SPANXB1: variants seen among roughly 807,000 people sequenced by gnomAD.
SPANXB1 encodes SPANX family member B1.
Under a neutral mutation model 2.0 loss-of-function variants are expected in SPANXB1, and 1 was observed. The ratio of observed to expected loss-of-function variants is 0.49; its 90% confidence interval spans 0.18 to 2.34. SPANXB1 has a LOEUF of 2.34. SPANXB1 is among the 30% of genes most tolerant of loss of function. The probability of loss-of-function intolerance (pLI) is 0.26; values close to 1 mark genes in which losing one functional copy is unlikely to be tolerated. For missense variants in SPANXB1, 70 were observed against 87.5 expected, an observed-to-expected ratio of 0.80 and a Z score of 0.80; for synonymous variants, 22 against 35.8, an observed-to-expected ratio of 0.61 and a Z score of 1.38.
Position 141,002,624 on chromosome X carries a change from G to C in SPANXB1, c.-70G>C. The C allele has an allele frequency of 8.3e-7, 1 of 1,209,551 alleles. No homozygotes were observed. ...GAGGGTATGCATAGGGAGGGCAAGA[G>C]CTCTGGGCCACTGCGAAGATTCAAA... On this transcript the variant is annotated 5_prime_UTR_variant, in exon 1 of 2. Coordinates refer to ENST00000449283, the MANE Select transcript of SPANXB1 (RefSeq NM_032461.4).
chrX:141,003,408 G>A, intron 1 of SPANXB1, 23 bp from the exon 2 acceptor site: 1 of 1,212,125 alleles, frequency 8.2e-7, no homozygotes, highest in South Asian at 1.8e-5. Flanking sequence ...TGTCCTCCTG[G>A]CCTCTCCCTG....
intron 1 of SPANXB1, among the ~76,000 whole-genome samples, chrX:141,003,029 C>G (rs2012336413): frequency 8.8e-6 from 1 of 113,254 alleles, no homozygotes; most frequent in Non-Finnish European, 1.9e-5. Context: ...TGGTTTGGCC[C>G]TTTTTCTGGT....
Position 141,002,711 on chromosome X carries a change from T to C in SPANXB1, c.18T>C (p.Ser6=), listed in dbSNP as rs1242216208. 8.1e-4 allele frequency: 984 copies of C among 1,211,820 alleles called. 4 individuals are homozygous for C. The African/African-American group carries it at 0.014, about 18-fold the overall frequency. The part of the protein sequence containing the change: MGQQS[S]VRRLKRSVPC... ...TATATACAATGGGCCAACAATCCAG[T>C]GTCCGCAGGCTGAAGAGGAGCGTCC... Residue 6 remains serine, a synonymous_variant, in exon 1 of 2, where the codon AGT becomes AGC. Transcript: ENST00000449283.
chrX:141,003,436 G>A lies in SPANXB1; in HGVS notation c.96G>A (p.Pro32=), dbSNP rs1351956882. 87 of 1,211,754 alleles carry A rather than the reference G, an allele frequency of 7.2e-5. No homozygotes were observed. In the East Asian group the frequency reaches 1.4e-3, roughly 19 times the overall value. The change falls in exon 2 of 2, where the codon CCG becomes CCA. Residue 32 remains proline, a synonymous_variant. Transcript: ENST00000449283. ...NEANEANKTM[P]ETPTGDSDPQ... ...TCTCCCTGTTTTCTTAACAGATGCC[G>A]GAGACCCCAACTGGGGACTCAGACC...
chrX:141,003,566 G>T lies in SPANXB1; in HGVS notation c.226G>T (p.Asp76Tyr). ...AACATCTCCAGAGGAACTGCTGAAT[G>T]ACCACGCCCGAGAGAACAGAATCAA... ...KRTSPEELLN[D>Y]HARENRINPD... The change falls in exon 2 of 2, where the codon GAC (aspartate) becomes TAC (tyrosine). Residue 76 changes from aspartate to tyrosine, a missense_variant. Asp to Tyr is a radical substitution (Grantham distance 160). Coordinates refer to ENST00000449283, the MANE Select transcript of SPANXB1 (RefSeq NM_032461.4). 1.6e-6 allele frequency: 2 copies of T among 1,212,827 alleles called. No individual in the cohort carries two copies. The highest frequency in any genetic ancestry group is 2.2e-6 in the Non-Finnish European group (2 of 895,584).
chrX:141,003,558 T>G lies in SPANXB1; in HGVS notation c.218T>G (p.Leu73Arg), dbSNP rs2012351567. 2 of 1,212,888 alleles carry G rather than the reference T, an allele frequency of 1.6e-6. No homozygotes were observed. The highest frequency in any genetic ancestry group is 2.2e-6 in the Non-Finnish European group (2 of 895,629). Residue 73 changes from leucine (L) to arginine (R), a missense_variant, in exon 2 of 2, where the codon CTG becomes CGG. By Grantham distance (102) the Leu-to-Arg change is moderately radical. Around this residue, in one of 3 missense-constraint regions of SPANXB1, gnomAD observed 23 missense variants for 25.2 expected, o/e 0.91. Transcript: ENST00000449283. ...GTGAAAAGAACATCTCCAGAGGAAC[T>G]GCTGAATGACCACGCCCGAGAGAAC... ...RNVKRTSPEELLNDHARENRI... is the reference protein window; with the variant it reads ...RNVKRTSPEERLNDHARENRI...
rs2148454224 is a variant in SPANXB1 at position 141,002,739 on chromosome X, T to C, written c.46T>C (p.Cys16Arg). Residue 16 changes from cysteine to arginine, a missense_variant, in exon 1 of 2, where the codon TGT (cysteine) becomes CGT (arginine). Physicochemically the swap from Cys to Arg is radical, Grantham distance 180. Coordinates refer to ENST00000449283, the MANE Select transcript of SPANXB1 (RefSeq NM_032461.4). ...SVRRLKRSVP[C>R]ESNEANEANE... The stretch of plus-strand genomic sequence containing the variant: ...CCGCAGGCTGAAGAGGAGCGTCCCC[T>C]GTGAATCCAACGAGGCCAACGAGGC... 2.5e-6 allele frequency: 3 copies of C among 1,212,661 alleles called. No individual in the cohort carries two copies. The highest frequency in any genetic ancestry group is 5.9e-5 in the East Asian group (2 of 33,834).
At position 141,002,928 on chromosome X, in the gene SPANXB1, A is replaced by C. The variant is rs1247395098; in HGVS notation, c.90+145A>C. 217 of 1,099,102 alleles carry C rather than the reference A, an allele frequency of 2.0e-4. 1 individual carries two copies. Among genetic ancestry groups the C allele is most frequent in the Non-Finnish European group, 2.6e-4 (213 of 809,485 alleles). 90.6% of individuals were successfully genotyped at this position (1,099,102 alleles called of 1,213,427 possible). ...ATGCCAGAGCCCACCGCCGCTTACAACCTGGGGTGCTTGTAGGTAGGGGTG... is the reference window on the plus strand; with the variant it reads ...ATGCCAGAGCCCACCGCCGCTTACACCCTGGGGTGCTTGTAGGTAGGGGTG... On this transcript the variant is annotated intron_variant, in intron 1 of 1. Transcript: ENST00000449283.
In SPANXB1 at chrX:141,003,641, C is replaced by T. The variant is rs1424050189; in HGVS notation, c.301C>T (p.Pro101Ser). Residue 101 changes from proline to serine, a missense_variant, in exon 2 of 2, where the codon CCT becomes TCT. Transcript: ENST00000449283. ...EEFIEITTER[P>S]KK ...ATTCATAGAAATAACGACTGAAAGA[C>T]CTAAAAAGTAGCAAGAAGCTACATC... The T allele has an allele frequency of 1.7e-6, 2 of 1,210,629 alleles. No individual in the cohort carries two copies. Among genetic ancestry groups the T allele is most frequent in the African/African-American group, 1.7e-5 (1 of 58,095 alleles).
rs2012329835 is a variant in SPANXB1 at position 141,002,780 on chromosome X, G to T, written c.87G>T (p.Lys29Asn). Reference sequence around the variant, plus strand: ...CCAACGAGGCCAATGAGGCCAACAAGACGGTAAGATTGTTAGGTTCTGAAG... The same window carrying T: ...CCAACGAGGCCAATGAGGCCAACAATACGGTAAGATTGTTAGGTTCTGAAG... ...NEANEANEAN[K>N]TMPETPTGDS... Residue 29 changes from lysine (K) to asparagine (N), a missense_variant, in exon 1 of 2, where the codon AAG becomes AAT. Lys to Asn is a moderately conservative substitution (Grantham distance 94, BLOSUM62 0). Transcript: ENST00000449283. The T allele has an allele frequency of 8.2e-7, 1 of 1,212,803 alleles. No individual in the cohort carries two copies. Among genetic ancestry groups the T allele is most frequent in the Admixed American group, 2.2e-5 (1 of 46,188 alleles).
At chrX:141,003,256 G>A (rs1479044620) in intron 1 of SPANXB1, among the ~76,000 whole-genome samples, 175 bp from the exon 2 acceptor site, 1 of 113,500 alleles carries the variant, frequency 8.8e-6, no homozygotes, top group Non-Finnish European at 1.9e-5. Flanking sequence ...CCCTACCCAC[G>A]CTCCTCTTCT....
At chrX:141,003,348 C>A (rs1439208629) in intron 1 of SPANXB1, 83 bp from the exon 2 acceptor site, 5 of 1,210,165 alleles carry the variant, frequency 4.1e-6, no homozygotes, top group Middle Eastern at 2.4e-4. Flanking sequence ...ATTCCTTCTT[C>A]TCATGAAGCC....
chrX:141,003,124 C>A (rs1278730379), intron 1 of SPANXB1, among the ~76,000 whole-genome samples: 2 of 113,293 alleles, frequency 1.8e-5, no homozygotes, highest in African/African-American at 6.3e-5. Flanking sequence ...GTCCGCCTTG[C>A]GGACAGGTGG....
intron 1 of SPANXB1, among the ~76,000 whole-genome samples, chrX:141,003,090 G>A (rs1445678438): frequency 2.7e-5 from 3 of 113,153 alleles, no homozygotes; most frequent in African/African-American, 9.5e-5. Flanking sequence ...GATATGATAG[G>A]GATGTTTCTT....
At position 141,003,197 on chromosome X, in the gene SPANXB1, C is replaced by A. The variant is rs6634220; in HGVS notation, c.91-234C>A. Among the ~76,000 whole-genome samples the A allele has an allele frequency of 2.7e-3, 301 of 112,286 alleles. No individual in the cohort carries two copies. In the East Asian group the frequency reaches 0.059, roughly 22 times the overall value. On this transcript the variant is annotated intron_variant, in intron 1 of 1. Coordinates refer to ENST00000449283, the MANE Select transcript of SPANXB1 (RefSeq NM_032461.4). ...GATGTTTCACTTTGACCAAGGTCTG[C>A]AAAATAGCAAAGAACTGACAAAATG...
In SPANXB1 at chrX:141,003,545, T is replaced by C; in HGVS notation, c.205T>C (p.Ser69Pro). The C allele has an allele frequency of 8.2e-7, 1 of 1,212,812 alleles. No individual in the cohort carries two copies. The change falls in exon 2 of 2, where the codon TCT becomes CCT. Residue 69 changes from serine to proline, a missense_variant. This residue lies in a region of SPANXB1 where 5 missense variants were observed against 37.4 expected (regional missense o/e 0.13). Transcript: ENST00000449283. ...CTACAGGAGGAACGTGAAAAGAACA[T>C]CTCCAGAGGAACTGCTGAATGACCA... ...VRYRRNVKRT[S>P]PEELLNDHAR...
Position 141,002,920 on chromosome X carries a change from C to T in SPANXB1, c.90+137C>T, listed in dbSNP as rs1334653872. The T allele has an allele frequency of 7.1e-4, 802 of 1,137,076 alleles. 1 individual carries two copies. The highest frequency in any genetic ancestry group is 6.5e-3 in the Middle Eastern group (26 of 3,986). The allele number at this position is 1,137,076 out of a possible 1,213,427, so 93.7% of individuals were successfully genotyped here. On this transcript the variant is annotated intron_variant, in intron 1 of 1. Transcript: ENST00000449283. ...CCCGCTTAATGCCAGAGCCCACCGCCGCTTACAACCTGGGGTGCTTGTAGG... is the reference window on the plus strand; with the variant it reads ...CCCGCTTAATGCCAGAGCCCACCGCTGCTTACAACCTGGGGTGCTTGTAGG...
In SPANXB1 at chrX:141,003,685, A is replaced by C. The variant is rs1319094474; in HGVS notation, c.*33A>C. On this transcript the variant is annotated 3_prime_UTR_variant, in exon 2 of 2. Transcript: ENST00000449283. ...CTACATCCCTCAAACTTCGGCAATG[A>C]AAATAAAGTTTGAGAAGCTGATGGC... The C allele has an allele frequency of 8.3e-7, 1 of 1,210,455 alleles. No homozygotes were observed. The highest frequency in any genetic ancestry group is 1.7e-5 in the African/African-American group (1 of 58,086).
At position 141,003,310 on chromosome X, in the gene SPANXB1, T is replaced by C. The variant is rs2012342866; in HGVS notation, c.91-121T>C. 4.2e-6 allele frequency: 5 copies of C among 1,202,904 alleles called. No individual in the cohort carries two copies. The South Asian group carries it at 8.8e-5, about 21-fold the overall frequency. Reference sequence around the variant, plus strand: ...ACTCTGTGCTTCAACCTTCTTCTTCTCTGGATCAAACCCCTTCCTCAACCT... The same window carrying C: ...ACTCTGTGCTTCAACCTTCTTCTTCCCTGGATCAAACCCCTTCCTCAACCT... On this transcript the variant is annotated intron_variant, in intron 1 of 1. Transcript: ENST00000449283.
Sources: gnomAD v4.1 joint callset for allele counts (sites outside exome capture counted in the v4.1 genomes callset) on GRCh38, gnomAD v4.1.1 for gene constraint, gnomAD v4.1.1 regional missense constraint, MANE v1.5 for transcripts, NCBI Gene and HGNC (gene_info 2026-07-23, HGNC 2026-07-21) for gene names.